Variants in CRISPLD1 observed in about 807,000 individuals in gnomAD.
The protein encoded by CRISPLD1 is cysteine-rich secretory protein LCCL domain-containing 1.
Under a neutral mutation model 77.5 loss-of-function variants are expected in CRISPLD1, and 60 were observed. The ratio of observed to expected loss-of-function variants is 0.77; its 90% confidence interval spans 0.63 to 0.96. CRISPLD1 has a LOEUF of 0.96. CRISPLD1 is among the 40% of genes least tolerant of loss of function. The probability of loss-of-function intolerance (pLI) is 0.00; values close to 1 mark genes in which losing one functional copy is unlikely to be tolerated. For missense variants in CRISPLD1, 623 were observed against 615.8 expected, an observed-to-expected ratio of 1.01 and a Z score of -0.12; for synonymous variants, 195 against 200.1, an observed-to-expected ratio of 0.97 and a Z score of 0.22.
At position 74,984,879 on chromosome 8, in the gene CRISPLD1, C is replaced by T. The variant is rs900757618; in HGVS notation, c.-104C>T. ...CTGGGCGGCTGCAGAGGCCGGCCGT[C>T]CGGTTTGGCTCACCTCTCCCAGGAA... On this transcript the variant is annotated 5_prime_UTR_variant, in exon 1 of 15. Coordinates refer to ENST00000262207, the MANE Select transcript of CRISPLD1 (RefSeq NM_031461.6). 2 of 152,376 alleles carry T rather than the reference C, an allele frequency of 1.3e-5. No individual in the cohort carries two copies. Among genetic ancestry groups the T allele is most frequent in the Middle Eastern group, 3.4e-3 (1 of 294 alleles). 9.4% of individuals were successfully genotyped at this position (152,376 alleles called of 1,614,324 possible).
rs564224452 is a variant in CRISPLD1 at position 74,986,137 on chromosome 8, A to G, written c.150A>G (p.Lys50=). The change falls in exon 2 of 15, where the codon AAA becomes AAG. Residue 50 remains lysine (K), a synonymous_variant. Transcript: ENST00000262207. ...AGGATGGTGAGTGGTGGATAGCCAA[A>G]CAACGAGGGAAAAGGGCCATCACAG... ...MDEDGEWWIA[K]QRGKRAITDN... 46 of 1,614,206 alleles carry G rather than the reference A, an allele frequency of 2.8e-5. No homozygotes were observed. The South Asian group carries it at 4.5e-4, about 16-fold the overall frequency.
chr8:74,995,283 G>T (rs7010624), intron 2 of CRISPLD1, among the ~76,000 whole-genome samples: 57,055 of 152,026 alleles, frequency 0.38, 12,536 homozygotes, highest in African/African-American at 0.62. Flanking sequence ...CTCTGTCAAA[G>T]GCTGCTTATA....
chr8:74,990,260 G>A (rs536140320), intron 2 of CRISPLD1, among the ~76,000 whole-genome samples: 4 of 150,248 alleles, frequency 2.7e-5, no homozygotes, highest in South Asian at 4.2e-4. Flanking sequence ...TAACAAAACC[G>A]CACTTATACT....
intron 12 of CRISPLD1, among the ~76,000 whole-genome samples, chr8:75,022,617 G>A (rs1292857983): frequency 6.7e-6 from 1 of 150,246 alleles, no homozygotes; most frequent in Non-Finnish European, 1.5e-5. Flanking sequence ...AAAAAAAATT[G>A]TAATAGTTTC....
chr8:75,017,725 A>C (rs1479868210), intron 10 of CRISPLD1, among the ~76,000 whole-genome samples: 1 of 152,190 alleles, frequency 6.6e-6, no homozygotes, highest in Non-Finnish European at 1.5e-5. Flanking sequence ...AGTGTAAAGC[A>C]ATACATTTTT....
chr8:75,029,758 C>T (rs184301567), intron 14 of CRISPLD1, among the ~76,000 whole-genome samples: 225 of 152,242 alleles, frequency 1.5e-3, no homozygotes, highest in African/African-American at 5.0e-3. Context: ...GATTACAAGT[C>T]AGAACTACTC....
In CRISPLD1 at chr8:75,014,963, C is replaced by T. The variant is rs139026096; in HGVS notation, c.727+51C>T. ...CATGTTGATTTATATTTTAATCCAG[C>T]TCCTGCATTACTTATGTTTAAAAAA... On this transcript the variant is annotated intron_variant, in intron 6 of 14. Coordinates refer to ENST00000262207, the MANE Select transcript of CRISPLD1 (RefSeq NM_031461.6). The T allele has an allele frequency of 8.4e-4, 1,027 of 1,229,750 alleles. 6 individuals carry two copies. In the African/African-American group the frequency reaches 0.014, roughly 16 times the overall value. 76.2% of individuals were successfully genotyped at this position (1,229,750 alleles called of 1,614,324 possible).
chr8:75,016,466 T>C, intron 6 of CRISPLD1, 99 bp from the exon 7 acceptor site: 1 of 1,208,628 alleles, frequency 8.3e-7, no homozygotes, highest in Non-Finnish European at 1.1e-6. Context: ...TTTTTCTAGT[T>C]CTAAATGTTA....
chr8:75,012,342 A>C, intron 2 of CRISPLD1, 91 bp from the exon 3 acceptor site: 1 of 762,744 alleles, frequency 1.3e-6, no homozygotes, highest in Non-Finnish European at 2.3e-6. Context: ...TAAAGAAAGA[A>C]AGAAGAAAAT....
chr8:74,986,547 T>C (rs977645175), intron 2 of CRISPLD1, among the ~76,000 whole-genome samples: 3 of 152,228 alleles, frequency 2.0e-5, no homozygotes, highest in African/African-American at 7.2e-5. Context: ...TGCTGTTAAT[T>C]GACTTAGCTG....
Position 75,025,802 on chromosome 8 carries a change from A to G in CRISPLD1, c.1320+181A>G, listed in dbSNP as rs1442089149. Reference sequence around the variant, plus strand: ...AATTAATATCCATATGTACAATAAGAGTGTATAATTATTTGACAAAATTTT... The same window carrying G: ...AATTAATATCCATATGTACAATAAGGGTGTATAATTATTTGACAAAATTTT... On this transcript the variant is annotated intron_variant, in intron 13 of 14. Transcript: ENST00000262207. Among the ~76,000 whole-genome samples the G allele has an allele frequency of 2.6e-5, 4 of 152,152 alleles. No individual in the cohort carries two copies. In the East Asian group the frequency reaches 7.7e-4, roughly 29 times the overall value.
intron 2 of CRISPLD1, among the ~76,000 whole-genome samples, chr8:75,009,381 T>G (rs1267882594): frequency 6.6e-6 from 1 of 151,988 alleles, no homozygotes; most frequent in Non-Finnish European, 1.5e-5. Context: ...TACCGAAGTC[T>G]CCCAGCCTCT....
chr8:74,985,183 C>T (rs1812476819), intron 1 of CRISPLD1, among the ~76,000 whole-genome samples: 1 of 152,052 alleles, frequency 6.6e-6, no homozygotes, highest in African/African-American at 2.4e-5. Flanking sequence ...CAGTGTGTGC[C>T]TTCACACTTG....
intron 2 of CRISPLD1, among the ~76,000 whole-genome samples, chr8:75,005,236 G>A (rs1351744989): frequency 6.6e-6 from 1 of 152,066 alleles, no homozygotes; most frequent in African/African-American, 2.4e-5. Flanking sequence ...GATACTACAA[G>A]CAATACAGGG....
chr8:75,022,697 A>T (rs1813159613), intron 12 of CRISPLD1, among the ~76,000 whole-genome samples: 1 of 152,018 alleles, frequency 6.6e-6, no homozygotes, highest in Non-Finnish European at 1.5e-5. Flanking sequence ...TAGTTGGTAT[A>T]TTTCTTTTAG....
At chr8:75,012,646 C>A in intron 3 of CRISPLD1, 95 bp downstream of exon 3, 1 of 922,094 alleles carries the variant, frequency 1.1e-6, no homozygotes, top group Non-Finnish European at 1.7e-6. Context: ...AGACTTGGTG[C>A]CTGAAAGAAA....
In CRISPLD1 at chr8:75,023,073, TAAA is replaced by T. The variant is rs397891797; in HGVS notation, c.1245-2454_1245-2452del. Among the ~76,000 whole-genome samples the T allele has an allele frequency of 9.8e-4, 110 of 111,978 alleles. No individual in the cohort carries two copies. In the South Asian group the frequency reaches 0.013, roughly 14 times the overall value. The allele number at this position is 111,978 out of a possible 152,430, so 73.5% of individuals were successfully genotyped here. A position where few individuals can be genotyped will look rare whatever the true frequency, so the allele number is the denominator to read the frequency against. ...TCAAAGTTTACCGGCAAATTGTAGGTAAAAAAAAAAAAAAAAAAAAAGTTTACC... is the reference window on the plus strand; with the variant it reads ...TCAAAGTTTACCGGCAAATTGTAGGTAAAAAAAAAAAAAAAAAAGTTTACC... On this transcript the variant is annotated intron_variant, in intron 12 of 14. Coordinates refer to ENST00000262207, the MANE Select transcript of CRISPLD1 (RefSeq NM_031461.6).
intron 6 of CRISPLD1, among the ~76,000 whole-genome samples, chr8:75,016,018 T>C (rs1813021212): frequency 6.6e-6 from 1 of 152,172 alleles, no homozygotes; most frequent in African/African-American, 2.4e-5. Flanking sequence ...AATTCAAAGT[T>C]TGAAATTACT....
chr8:75,017,534 G>T, intron 10 of CRISPLD1, 84 bp downstream of exon 10: 1 of 1,139,674 alleles, frequency 8.8e-7, no homozygotes, highest in Non-Finnish European at 1.2e-6. Context: ...GCAAAGCATA[G>T]AATAATTTAA....
Sources: gnomAD v4.1 joint callset for allele counts (sites outside exome capture counted in the v4.1 genomes callset) on GRCh38, gnomAD v4.1.1 for gene constraint, MANE v1.5 for transcripts, NCBI Gene and HGNC (gene_info 2026-07-23, HGNC 2026-07-21) for gene names.